The following ADGRG4 variants were observed in gnomAD, a reference collection of about 807,000 sequenced individuals.
ADGRG4 encodes G protein-coupled receptor 112.
A neutral mutation model predicts 126.2 loss-of-function variants in ADGRG4; 122 were observed. The ratio of observed to expected loss-of-function variants is 0.97; its 90% confidence interval spans 0.83 to 1.12. ADGRG4 has a LOEUF of 1.12. Ranked by LOEUF, ADGRG4 falls within the 50% of genes most tolerant of loss-of-function variation. ADGRG4 has a pLI of 0.00. For synonymous variants in ADGRG4, 943 were observed against 838.7 expected (o/e 1.12, Z -2.15); for missense variants, 2,481 against 2,251.8 (o/e 1.10, Z -2.06).
intron 13 of ADGRG4, among the ~76,000 whole-genome samples, chrX:136,369,023 C>T (rs1473512210): frequency 8.9e-6 from 1 of 111,742 alleles, no homozygotes; most frequent in African/African-American, 3.3e-5. Context: ...ACTGACCAGT[C>T]AGCATCAATT....
intron 1 of ADGRG4, 99 bp downstream of exon 1, chrX:136,301,099 C>T (rs1056721929): frequency 2.7e-5 from 3 of 112,304 alleles, no homozygotes; most frequent in South Asian, 3.7e-4. Context: ...TGGGTATATA[C>T]CCAGTAATGG....
intron 12 of ADGRG4, among the ~76,000 whole-genome samples, 186 bp from the exon 13 acceptor site, chrX:136,363,291 T>A (rs1246591380): frequency 9.0e-6 from 1 of 111,454 alleles, no homozygotes; most frequent in Non-Finnish European, 1.9e-5. Context: ...GACCCTAGAT[T>A]CACTTGCTCC....
At position 136,359,233 on chromosome X, in the gene ADGRG4, C is replaced by T. The variant is rs1404353311; in HGVS notation, c.6981-59C>T. 5 of 1,007,089 alleles carry T rather than the reference C, an allele frequency of 5.0e-6. No individual in the cohort carries two copies. In the Admixed American group the frequency reaches 1.5e-4, roughly 30 times the overall value. 83.0% of individuals were successfully genotyped at this position (1,007,089 alleles called of 1,213,427 possible). On this transcript the variant is annotated intron_variant, in intron 10 of 25. Coordinates refer to ENST00000394143, the MANE Select transcript of ADGRG4 (RefSeq NM_153834.4). ...CTGTACAGAATTTCTGCATTGCAGG[C>T]CAAGTTGCACTCCCTTGACATAACT...
chrX:136,363,745 T>G (rs1183168722), intron 13 of ADGRG4, 150 bp downstream of exon 13: 1 of 452,521 alleles, frequency 2.2e-6, no homozygotes, highest in African/African-American at 2.4e-5. Flanking sequence ...TTAATGTTGG[T>G]GGAGGTGGTG....
At chrX:136,386,592 A>C (rs1293444732) in intron 15 of ADGRG4, among the ~76,000 whole-genome samples, 2 of 112,209 alleles carry the variant, frequency 1.8e-5, no homozygotes, top group Non-Finnish European at 3.8e-5. Flanking sequence ...GTTCACCCAC[A>C]TCCCAGTTGT....
Position 136,349,197 on chromosome X carries a change from C to T in ADGRG4, c.5491C>T (p.Pro1831Ser). The part of the protein sequence containing the change: ...PPWTPSSATL[P>S]SLTSFVYSPH... ...ATGGACCCCATCCAGTGCAACTCTA[C>T]CCTCTTTGACATCATTTGTTTATTC... The change falls in exon 6 of 26, where the codon CCC (proline) becomes TCC (serine). Residue 1831 changes from proline (P) to serine (S), a missense_variant. By Grantham distance (74) the Pro-to-Ser change is moderately conservative. Transcript: ENST00000394143. 8.3e-7 allele frequency: 1 copy of T among 1,205,291 alleles called. No individual in the cohort carries two copies. The highest frequency in any genetic ancestry group is 1.1e-6 in the Non-Finnish European group (1 of 890,519).
At chrX:136,400,625 C>G (rs1046546230) in intron 21 of ADGRG4, among the ~76,000 whole-genome samples, 6 of 111,937 alleles carry the variant, frequency 5.4e-5, no homozygotes, top group African/African-American at 2.0e-4. Flanking sequence ...GGGATTTGAG[C>G]CAGGAAGTTT....
At chrX:136,404,237 C>T (rs1413796452) in intron 22 of ADGRG4, among the ~76,000 whole-genome samples, 1 of 110,240 alleles carries the variant, frequency 9.1e-6, no homozygotes, top group Non-Finnish European at 1.9e-5. Context: ...TCTTCCCTTC[C>T]TTCTCATCTC....
rs1001161487 is a variant in ADGRG4, at chrX:136,364,795, T to C, written c.7396+1200T>C. On this transcript the variant is annotated intron_variant, in intron 13 of 25. Transcript: ENST00000394143. ...GTGACACTGTTAGCATAATTCATAT[T>C]ATTAGGCAAAAGAGATTCAAAATAA... 4.5e-5 allele frequency among the ~76,000 whole-genome samples: 5 copies of C among 112,044 alleles called. No homozygotes were observed. In the South Asian group the frequency reaches 1.5e-3, roughly 33 times the overall value.
chrX:136,312,247 A>G (rs1325634263), intron 4 of ADGRG4, among the ~76,000 whole-genome samples: 1 of 112,437 alleles, frequency 8.9e-6, no homozygotes, highest in Non-Finnish European at 1.9e-5. Flanking sequence ...GATACAGAAC[A>G]TTTCCATATC....
At chrX:136,395,712 G>T (rs1308194606) in intron 19 of ADGRG4, among the ~76,000 whole-genome samples, 1 of 111,589 alleles carries the variant, frequency 9.0e-6, no homozygotes, top group Non-Finnish European at 1.9e-5. Context: ...GTACAGAAAA[G>T]GTCCCTTTAA....
At chrX:136,406,828 T>C (rs1569339373) in intron 23 of ADGRG4, among the ~76,000 whole-genome samples, 1 of 109,720 alleles carries the variant, frequency 9.1e-6, no homozygotes, top group Non-Finnish European at 1.9e-5. Flanking sequence ...GGCAGGAGAA[T>C]TGCTCAAACT....
At chrX:136,338,310 G>C (rs1422562467) in intron 5 of ADGRG4, among the ~76,000 whole-genome samples, 1 of 109,966 alleles carries the variant, frequency 9.1e-6, no homozygotes. Context: ...CACCATGTCT[G>C]GCTAATTTTT....
At chrX:136,416,323 A>G (rs2075475186) in intron 25 of ADGRG4, 131 bp from the exon 26 acceptor site, 3 of 483,716 alleles carry the variant, frequency 6.2e-6, no homozygotes, top group Non-Finnish European at 1.1e-5. Context: ...GTCCAAAGAA[A>G]GCACCATATC....
chrX:136,396,488 C>T (rs1270445257), intron 19 of ADGRG4, among the ~76,000 whole-genome samples: 1 of 100,966 alleles, frequency 9.9e-6, no homozygotes, highest in African/African-American at 3.6e-5. Context: ...CTCCGCCTCC[C>T]TGGCAGAGGT....
rs1338731725 is a variant in ADGRG4, at chrX:136,345,704, A to T, written c.1998A>T (p.Ala666=). The T allele has an allele frequency of 8.3e-7, 1 of 1,211,517 alleles. No homozygotes were observed. The highest frequency in any genetic ancestry group is 1.7e-5 in the African/African-American group (1 of 57,835). ...CTAGGCCAGACCAGGCCCTGCTGGCATCTATGAACACAACCACCATACTCA... is the reference window on the plus strand; with the variant it reads ...CTAGGCCAGACCAGGCCCTGCTGGCTTCTATGAACACAACCACCATACTCA... ...WTSRPDQALL[A]SMNTTTILTF... Residue 666 remains alanine (A), a synonymous_variant, in exon 6 of 26, where the codon GCA becomes GCT. Transcript: ENST00000394143.
In ADGRG4 at chrX:136,360,544, A is replaced by G. The variant is rs192138703; in HGVS notation, c.7145-911A>G. 3.5e-3 allele frequency among the ~76,000 whole-genome samples: 387 copies of G among 110,881 alleles called. 2 individuals are homozygous for G. Among genetic ancestry groups the G allele is most frequent in the Non-Finnish European group, 5.7e-3 (300 of 52,953 alleles). On this transcript the variant is annotated intron_variant, in intron 11 of 25. Coordinates refer to ENST00000394143, the MANE Select transcript of ADGRG4 (RefSeq NM_153834.4). ...GATCACTTAAGGTCAAGAGTTTGAG[A>G]CCAGCCTGGGCAACAAAGCAAGACG...
At chrX:136,406,705 G>A (rs913432782) in intron 23 of ADGRG4, among the ~76,000 whole-genome samples, 2 of 111,448 alleles carry the variant, frequency 1.8e-5, no homozygotes, top group African/African-American at 6.5e-5. Flanking sequence ...CTTGAGGTCA[G>A]GAGTTTGAAA....
intron 19 of ADGRG4, among the ~76,000 whole-genome samples, chrX:136,396,287 G>A (rs1373698759): frequency 2.8e-5 from 3 of 108,270 alleles, no homozygotes; most frequent in African/African-American, 6.7e-5. Flanking sequence ...TTATCTGAAT[G>A]TGTCATATGT....
Sources: gnomAD v4.1 joint callset for allele counts (sites outside exome capture counted in the v4.1 genomes callset) on GRCh38, gnomAD v4.1.1 for gene constraint, MANE v1.5 for transcripts, NCBI Gene and HGNC (gene_info 2026-07-23, HGNC 2026-07-21) for gene names.